PRKAR1B: variants seen among roughly 807,000 people sequenced by gnomAD.
PRKAR1B encodes the protein cAMP-dependent protein kinase type I-beta regulatory subunit.
PRKAR1B carries 22 observed loss-of-function variants against 46.5 expected under a neutral mutation model. The ratio of observed to expected loss-of-function variants is 0.47; its 90% CI spans 0.34 to 0.68. The LOEUF (loss-of-function observed/expected upper bound fraction) is 0.68, where lower values mean the gene tolerates loss of function less well. Ranked by LOEUF, PRKAR1B falls within the 30% of genes least tolerant of loss-of-function variation. PRKAR1B has a pLI of 0.01. For synonymous variants in PRKAR1B, 259 were observed against 217.7 expected, an observed-to-expected ratio of 1.19 and a Z score of -1.67; for missense variants, 445 against 535.6, an observed-to-expected ratio of 0.83 and a Z score of 1.67.
intron 2 of PRKAR1B, chr7:696,699 T>G (rs1395287061): frequency 2.0e-5 from 3 of 152,242 alleles, no homozygotes; most frequent in Non-Finnish European, 4.4e-5. Context: ...CAGAAGCCGC[T>G]TCTCTTCAAG....
chr7:658,352 T>C (rs1048373383), intron 4 of PRKAR1B, among the ~76,000 whole-genome samples: 4 of 152,156 alleles, frequency 2.6e-5, no homozygotes, highest in African/African-American at 7.2e-5. Flanking sequence ...GGAGGATCAC[T>C]GGAGCCCATG....
chr7:583,592 AGG>A, intron 8 of PRKAR1B, among the ~76,000 whole-genome samples: 2 of 65,726 alleles, frequency 3.0e-5, no homozygotes, highest in African/African-American at 1.4e-4. Context: ...GCACACTCCC[AGG>A]TGCACACACA....
intron 1 of PRKAR1B, among the ~76,000 whole-genome samples, chr7:724,952 C>T (rs1186630191): frequency 5.3e-5 from 8 of 152,240 alleles, no homozygotes; most frequent in Non-Finnish European, 1.0e-4. Context: ...TGGTGGCTCA[C>T]GCCTGTAATC....
chr7:680,826 T>C, intron 2 of PRKAR1B, 100 bp from the exon 3 acceptor site: 2 of 1,382,782 alleles, frequency 1.4e-6, no homozygotes, highest in Non-Finnish European at 2.0e-6. Context: ...GGAGGACTAG[T>C]GGGAGGATCG....
intron 2 of PRKAR1B, among the ~76,000 whole-genome samples, chr7:690,609 T>A (rs902518599): frequency 6.6e-6 from 1 of 152,154 alleles, no homozygotes; most frequent in Admixed American, 6.5e-5. Context: ...GAAGGAACTA[T>A]GTCATAATAA....
At chr7:554,506 G>T (rs1334294827) in intron 9 of PRKAR1B, among the ~76,000 whole-genome samples, 1 of 152,242 alleles carries the variant, frequency 6.6e-6, no homozygotes, top group Non-Finnish European at 1.5e-5. Flanking sequence ...GTGGAGCAAT[G>T]TTCAGGTGCT....
chr7:683,058 G>C (rs1393858421), intron 2 of PRKAR1B, among the ~76,000 whole-genome samples: 1 of 152,202 alleles, frequency 6.6e-6, no homozygotes, highest in East Asian at 1.9e-4. Flanking sequence ...AGGGCCTTGC[G>C]TCATGGACCA....
At chr7:594,039 C>T (rs1346676046) in intron 7 of PRKAR1B, among the ~76,000 whole-genome samples, 2 of 152,160 alleles carry the variant, frequency 1.3e-5, no homozygotes, top group African/African-American at 4.8e-5. Context: ...CCCAATCAGA[C>T]GACGCACTTC....
At chr7:690,588 C>T (rs747946781) in intron 2 of PRKAR1B, among the ~76,000 whole-genome samples, 2 of 152,158 alleles carry the variant, frequency 1.3e-5, no homozygotes, top group Non-Finnish European at 2.9e-5. Context: ...TAACACAACA[C>T]AAACAAATTG....
intron 1 of PRKAR1B, among the ~76,000 whole-genome samples, chr7:723,187 C>T (rs1314770982): frequency 6.6e-6 from 1 of 152,196 alleles, no homozygotes; most frequent in Non-Finnish European, 1.5e-5. Flanking sequence ...ACTGTCCACT[C>T]GAACCCCAGT....
intron 7 of PRKAR1B, among the ~76,000 whole-genome samples, chr7:588,547 C>CAGTGGTGGTGACGGTGGTGATGGTGAT (rs1562541649): frequency 2.0e-4 from 1 of 4,914 alleles, no homozygotes; most frequent in Non-Finnish European, 4.0e-4. Context: ...ATGGTGGTGA[C>CAGTGGTGGTGACGGTGGTGATGGTGAT]GGTGGTGATG....
Position 635,096 on chromosome 7 carries a change from C to T in PRKAR1B, c.441-27644G>A, listed in dbSNP as rs1165654242. On this transcript the variant is annotated intron_variant, in intron 4 of 10. Transcript: ENST00000537384. ...GGGCTTCATGATACTCTCCTTGCAA[C>T]GTTTCTGTGTGAACTATTTTCAAGG... 2.0e-5 allele frequency among the ~76,000 whole-genome samples: 3 copies of T among 152,212 alleles called. No homozygotes were observed. The East Asian group carries it at 5.8e-4, about 29-fold the overall frequency.
intron 6 of PRKAR1B, among the ~76,000 whole-genome samples, chr7:605,345 C>T (rs1389866570): frequency 2.6e-5 from 4 of 152,298 alleles, no homozygotes; most frequent in East Asian, 1.9e-4. Context: ...GTCAGGCTGC[C>T]GTGCGGGGGG....
chr7:616,711 C>G (rs1274367271), intron 4 of PRKAR1B, among the ~76,000 whole-genome samples: 1 of 152,226 alleles, frequency 6.6e-6, no homozygotes, highest in Non-Finnish European at 1.5e-5. Flanking sequence ...CCTTTTCCCT[C>G]CACACCCAGC....
At chr7:649,096 G>A (rs747031161) in intron 4 of PRKAR1B, among the ~76,000 whole-genome samples, 2 of 151,208 alleles carry the variant, frequency 1.3e-5, no homozygotes, top group African/African-American at 2.4e-5. Flanking sequence ...TCTGGGAGGT[G>A]GAGGTTGCAG....
At chr7:639,165 C>T (rs530743758) in intron 4 of PRKAR1B, among the ~76,000 whole-genome samples, 6 of 152,228 alleles carry the variant, frequency 3.9e-5, no homozygotes, top group East Asian at 1.9e-4. Context: ...TGAAAAGGAA[C>T]GGAGTAGGGG....
chr7:616,008 A>AAGAGAGAC (rs1782801827), intron 4 of PRKAR1B, among the ~76,000 whole-genome samples: 1 of 149,294 alleles, frequency 6.7e-6, no homozygotes, highest in Non-Finnish European at 1.5e-5. Context: ...AAAAGGAAGA[A>AAGAGAGAC]AGAGAGAGAG....
At chr7:671,714 G>A (rs1583395388) in intron 4 of PRKAR1B, among the ~76,000 whole-genome samples, 1 of 152,066 alleles carries the variant, frequency 6.6e-6, no homozygotes, top group African/African-American at 2.4e-5. Flanking sequence ...CATTTTCCTG[G>A]CTACCCTCCA....
chr7:677,111 C>T (rs1778370995), intron 4 of PRKAR1B, 118 bp downstream of exon 4: 7 of 970,216 alleles, frequency 7.2e-6, no homozygotes, highest in Non-Finnish European at 1.1e-5. Context: ...GGGGGCTGCC[C>T]ACCTCCTGGA....
Sources: gnomAD v4.1 joint callset for allele counts (sites outside exome capture counted in the v4.1 genomes callset) on GRCh38, gnomAD v4.1.1 for gene constraint, MANE v1.5 for transcripts, NCBI Gene and HGNC (gene_info 2026-07-23, HGNC 2026-07-21) for gene names.